NTRK3: variants seen among roughly 807,000 people sequenced by gnomAD.
NTRK3 encodes NT-3 growth factor receptor.
Under a neutral mutation model 91.7 loss-of-function variants are expected in NTRK3, and 24 were observed. The ratio of observed to expected loss-of-function variants is 0.26; its 90% CI spans 0.19 to 0.37. NTRK3 has a LOEUF of 0.37. Among genes scored for constraint, NTRK3 ranks in the 10% least tolerant of loss-of-function variants. NTRK3 has a pLI of 1.00. For synonymous variants in NTRK3, 483 were observed against 404.0 expected (o/e 1.20, Z -2.34); for missense variants, 880 against 1,068.9 (o/e 0.82, Z 2.46).
chr15:88,102,066 A>T (rs2050231570), intron 13 of NTRK3, among the ~76,000 whole-genome samples: 1 of 152,178 alleles, frequency 6.6e-6, no homozygotes, highest in African/African-American at 2.4e-5. Context: ...AGGAAGCGGA[A>T]ATGGGGTATC....
At chr15:88,107,801 G>C (rs1031269305) in intron 13 of NTRK3, among the ~76,000 whole-genome samples, 2 of 152,080 alleles carry the variant, frequency 1.3e-5, no homozygotes, top group African/African-American at 2.4e-5. Context: ...CCACCAAATA[G>C]AATGTACTAT....
intron 14 of NTRK3, among the ~76,000 whole-genome samples, chr15:88,029,600 G>A (rs75662030): frequency 0.029 from 4,423 of 152,226 alleles, 232 homozygotes; most frequent in African/African-American, 0.1. Context: ...TTTTTAAATG[G>A]GACAAAGAAG....
intron 3 of NTRK3, among the ~76,000 whole-genome samples, chr15:88,185,141 A>G (rs1306445529): frequency 2.0e-5 from 3 of 152,228 alleles, no homozygotes; most frequent in East Asian, 1.9e-4. Context: ...CTTTGCCCCA[A>G]GAGATCCCAT....
chr15:88,056,185 T>C (rs1485447423), intron 13 of NTRK3, among the ~76,000 whole-genome samples: 1 of 97,162 alleles, frequency 1.0e-5, no homozygotes, highest in Non-Finnish European at 2.3e-5. Flanking sequence ...CATATATATA[T>C]ATATATATAT....
At chr15:88,173,717 T>C (rs2045738370) in intron 5 of NTRK3, among the ~76,000 whole-genome samples, 1 of 152,224 alleles carries the variant, frequency 6.6e-6, no homozygotes, top group Non-Finnish European at 1.5e-5. Flanking sequence ...CTCTGAAGCC[T>C]ACTGCCTCCC....
chr15:88,147,355 C>G (rs2151312773), exon 6 of NTRK3: 1 of 1,613,822 alleles, frequency 6.2e-7, no homozygotes, highest in Non-Finnish European at 8.5e-7. Flanking sequence ...GACTCAGCGT[C>G]TGGAAGAGCT....
At chr15:88,173,654 G>A (rs1014765423) in intron 5 of NTRK3, among the ~76,000 whole-genome samples, 10 of 152,214 alleles carry the variant, frequency 6.6e-5, no homozygotes, top group Admixed American at 2.0e-4. Context: ...CACTCCCTTC[G>A]TGGTCTCCCA....
chr15:88,098,863 A>G (rs2049896090), intron 13 of NTRK3: 1 of 232,696 alleles, frequency 4.3e-6, no homozygotes, highest in Non-Finnish European at 8.5e-6. Context: ...CAAGAGAGAT[A>G]ATACTGTAAT....
intron 17 of NTRK3, among the ~76,000 whole-genome samples, chr15:87,901,402 T>A (rs2066445167): frequency 6.6e-6 from 1 of 152,232 alleles, no homozygotes; most frequent in Non-Finnish European, 1.5e-5. Flanking sequence ...GGATGAAGTA[T>A]CTTTCTCAGG....
intron 13 of NTRK3, among the ~76,000 whole-genome samples, chr15:88,067,529 C>T (rs961442636): frequency 2.0e-5 from 3 of 152,298 alleles, no homozygotes; most frequent in South Asian, 2.1e-4. Flanking sequence ...TGATTCTACA[C>T]GTGCTCAGCA....
intron 3 of NTRK3, among the ~76,000 whole-genome samples, chr15:88,186,717 A>G (rs1014320241): frequency 1.3e-5 from 2 of 152,226 alleles, no homozygotes; most frequent in Non-Finnish European, 2.9e-5. Context: ...ATACCTGTTC[A>G]TTTACTGTCA....
chr15:88,073,509 C>T (rs1159132339), intron 13 of NTRK3, among the ~76,000 whole-genome samples: 3 of 152,132 alleles, frequency 2.0e-5, no homozygotes, highest in African/African-American at 7.2e-5. Flanking sequence ...AGCTGGACAA[C>T]CATGGGCCAG....
rs144745222 is a variant in NTRK3, at chr15:87,940,661, G to C, written c.1678C>G (p.Leu560Val). The stretch of plus-strand genomic sequence containing the variant: ...AGCATCTTGTCCTTGGTCGGGCTGA[G>C]GTTGTAGCACTCGGCCAGGAAGACC... The change falls in exon 15 of 19, where the codon CTC (leucine) becomes GTC (valine). Residue 560 changes from leucine (L) to valine (V), a missense_variant. By Grantham distance (32) the Leu-to-Val change is conservative. Transcript: ENST00000394480. The C allele has an allele frequency of 1.1e-5, 17 of 1,613,984 alleles. No individual in the cohort carries two copies. In the African/African-American group the frequency reaches 2.1e-4, roughly 20 times the overall value.
At chr15:87,872,293 A>C (rs1461452871) in exon 19 of NTRK3, 2 of 221,296 alleles carry the variant, frequency 9.0e-6, no homozygotes, top group Admixed American at 5.8e-5. Context: ...TGTACTTTGG[A>C]GTCAAGGTAA....
exon 19 of NTRK3, chr15:87,872,212 A>C (rs143324572): frequency 2.7e-3 from 597 of 220,586 alleles, no homozygotes; most frequent in Non-Finnish European, 4.2e-3. Flanking sequence ...ATCCCTAGAC[A>C]TTTCCTTGCT....
intron 3 of NTRK3, among the ~76,000 whole-genome samples, chr15:88,184,979 A>C (rs186853383): frequency 8.5e-5 from 13 of 152,334 alleles, no homozygotes; most frequent in Non-Finnish European, 1.8e-4. Flanking sequence ...TGGAGGACAC[A>C]AACCCTAGCT....
chr15:88,253,205 A>G (rs932968862), intron 3 of NTRK3: 4 of 152,250 alleles, frequency 2.6e-5, no homozygotes, highest in Non-Finnish European at 5.9e-5. Flanking sequence ...TCTTGGTCCC[A>G]TTTCCTTGAT....
chr15:88,110,528 C>T (rs954486236), intron 13 of NTRK3, among the ~76,000 whole-genome samples: 5 of 152,164 alleles, frequency 3.3e-5, no homozygotes, highest in South Asian at 2.1e-4. Context: ...GGGTGCAATG[C>T]CCAAGGGGCC....
chr15:87,953,035 C>T (rs1042973349), intron 14 of NTRK3, among the ~76,000 whole-genome samples: 1 of 152,216 alleles, frequency 6.6e-6, no homozygotes, highest in Non-Finnish European at 1.5e-5. Context: ...ATGCTTCCCC[C>T]TGTCGAAGCC....
Sources: gnomAD v4.1 joint callset for allele counts (sites outside exome capture counted in the v4.1 genomes callset) on GRCh38, gnomAD v4.1.1 for gene constraint, MANE v1.5 for transcripts, NCBI Gene and HGNC (gene_info 2026-07-23, HGNC 2026-07-21) for gene names.